Variants in RTN3 observed in about 807,000 individuals in gnomAD.
RTN3 encodes reticulon 3.
In RTN3, 49 loss-of-function variants were observed where a neutral mutation model predicts 77.8. The observed-to-expected ratio is 0.63, with a 90% CI of 0.50 to 0.80. The LOEUF is 0.80. RTN3 is among the 30% of genes least tolerant of loss of function. The probability of loss-of-function intolerance (pLI) is 0.00; values close to 1 mark genes in which losing one functional copy is unlikely to be tolerated. For synonymous variants in RTN3, 464 were observed against 446.9 expected, an observed-to-expected ratio of 1.04 and a Z score of -0.48; for missense variants, 1,236 against 1,211.9, an observed-to-expected ratio of 1.02 and a Z score of -0.29.
intron 3 of RTN3, among the ~76,000 whole-genome samples, chr11:63,732,893 A>G (rs1042009327): frequency 6.6e-6 from 1 of 152,238 alleles, no homozygotes; most frequent in Non-Finnish European, 1.5e-5. Context: ...AATATTATTC[A>G]TGAACGTAAA....
At chr11:63,716,985 A>AC (rs1565318225) in intron 2 of RTN3, among the ~76,000 whole-genome samples, 1 of 149,060 alleles carries the variant, frequency 6.7e-6, no homozygotes, top group Non-Finnish European at 1.5e-5. Context: ...AAAACAAAAA[A>AC]AAAAAAAAAA....
intron 1 of RTN3, among the ~76,000 whole-genome samples, chr11:63,695,027 TACTC>T (rs1941867479): frequency 6.6e-6 from 1 of 152,236 alleles, no homozygotes; most frequent in Non-Finnish European, 1.5e-5. Flanking sequence ...TACTAGTTAC[TACTC>T]AGTCTAGTTT....
At chr11:63,735,138 C>T (rs1027974892) in intron 3 of RTN3, among the ~76,000 whole-genome samples, 2 of 152,044 alleles carry the variant, frequency 1.3e-5, no homozygotes, top group African/African-American at 4.8e-5. Flanking sequence ...TGCAAGTGTG[C>T]ACCACCATAC....
At chr11:63,706,832 T>G (rs1021751490) in intron 2 of RTN3, among the ~76,000 whole-genome samples, 3 of 152,064 alleles carry the variant, frequency 2.0e-5, no homozygotes, top group Admixed American at 2.0e-4. Flanking sequence ...ATTTCCTCTC[T>G]TGTAAGTATT....
At chr11:63,685,365 G>A (rs187477095) in intron 1 of RTN3, among the ~76,000 whole-genome samples, 1 of 151,458 alleles carries the variant, frequency 6.6e-6, no homozygotes, top group African/African-American at 2.4e-5. Context: ...GCACAGTGAC[G>A]GGCACCTGTA....
intron 1 of RTN3, among the ~76,000 whole-genome samples, chr11:63,695,962 T>G (rs899583441): frequency 1.3e-5 from 2 of 152,296 alleles, no homozygotes; most frequent in East Asian, 3.9e-4. Context: ...TTCTTTTTTA[T>G]TAGAATACGA....
chr11:63,713,453 G>A (rs952379132), intron 2 of RTN3, among the ~76,000 whole-genome samples: 2 of 152,074 alleles, frequency 1.3e-5, no homozygotes, highest in Non-Finnish European at 2.9e-5. Flanking sequence ...AGGACCACAG[G>A]TGTATGCCAC....
chr11:63,733,395 A>G (rs965304578), intron 3 of RTN3, among the ~76,000 whole-genome samples: 5 of 152,130 alleles, frequency 3.3e-5, no homozygotes, highest in Non-Finnish European at 7.4e-5. Context: ...AGGCTGAGGC[A>G]GGAGAATCGC....
intron 3 of RTN3, among the ~76,000 whole-genome samples, chr11:63,727,740 C>T (rs543933132): frequency 2.0e-5 from 3 of 152,042 alleles, no homozygotes; most frequent in East Asian, 1.9e-4. Flanking sequence ...TTAGGGAGGC[C>T]GAGGCAGGAG....
chr11:63,722,365 A>T (rs182600379), intron 3 of RTN3, among the ~76,000 whole-genome samples: 207 of 152,256 alleles, frequency 1.4e-3, no homozygotes, highest in African/African-American at 4.9e-3. Flanking sequence ...CTTACTGGAA[A>T]CTGTAGGTAG....
chr11:63,735,394 T>C (rs996623348), intron 3 of RTN3, among the ~76,000 whole-genome samples: 3 of 152,174 alleles, frequency 2.0e-5, no homozygotes, highest in East Asian at 3.8e-4. Context: ...ACCGCAGTAC[T>C]AAAAGCTACC....
At chr11:63,699,108 G>A (rs1942106314) in intron 1 of RTN3, among the ~76,000 whole-genome samples, 1 of 152,112 alleles carries the variant, frequency 6.6e-6, no homozygotes, top group Non-Finnish European at 1.5e-5. Context: ...CCAGCATGGT[G>A]AAACCCCACT....
chr11:63,723,416 C>CT (rs747766171), intron 3 of RTN3, among the ~76,000 whole-genome samples: 5,438 of 136,238 alleles, frequency 0.04, 253 homozygotes, highest in African/African-American at 0.12. Context: ...ATTTATTTAT[C>CT]TTTTTTTTTT....
rs143035982 is a variant in RTN3 at position 63,739,702 on chromosome 11, C to T, written c.2531-10289C>T. 4.1e-3 allele frequency among the ~76,000 whole-genome samples: 625 copies of T among 152,208 alleles called. 1 individual carries two copies. The highest frequency in any genetic ancestry group is 0.01 in the Middle Eastern group (3 of 294). Reference sequence around the variant, plus strand: ...CACGTCCTTTATCCCATCTCACATGCAGCTGAGAGTCACTGACTTGGACAG... The same window carrying T: ...CACGTCCTTTATCCCATCTCACATGTAGCTGAGAGTCACTGACTTGGACAG... On this transcript the variant is annotated intron_variant, in intron 3 of 8. Transcript: ENST00000377819.
intron 3 of RTN3, chr11:63,747,071 A>T (rs777721036): frequency 1.8e-5 from 8 of 446,142 alleles, no homozygotes; most frequent in Non-Finnish European, 2.7e-5. Context: ...ATTTTTGAAG[A>T]CTATAGGCCA....
intron 1 of RTN3, among the ~76,000 whole-genome samples, chr11:63,695,634 C>T (rs545155948): frequency 3.3e-5 from 5 of 152,332 alleles, no homozygotes; most frequent in Admixed American, 1.3e-4. Context: ...ATGAGCATGG[C>T]CCTTGGTATT....
At chr11:63,693,062 A>G (rs957637176) in intron 1 of RTN3, among the ~76,000 whole-genome samples, 17 of 152,196 alleles carry the variant, frequency 1.1e-4, no homozygotes, top group African/African-American at 4.1e-4. Flanking sequence ...GGCATAAGCC[A>G]CCATGCCCAG....
rs1390421531 is a variant in RTN3 at position 63,759,857 on chromosome 11, T to C, written c.*1656T>C. On this transcript the variant is annotated 3_prime_UTR_variant, in exon 9 of 9. Transcript: ENST00000377819. ...TGGTTCCTGTAAAATTTCAAATTGATGTGGTATTAATAAAAAAAAAAAAAA... is the reference window on the plus strand; with the variant it reads ...TGGTTCCTGTAAAATTTCAAATTGACGTGGTATTAATAAAAAAAAAAAAAA... 6.8e-6 allele frequency: 1 copy of C among 148,038 alleles called. No individual in the cohort carries two copies. The highest frequency in any genetic ancestry group is 1.5e-5 in the Non-Finnish European group (1 of 67,250). The allele number at this position is 148,038 out of a possible 1,614,324, so 9.2% of individuals were successfully genotyped here. A position where few individuals can be genotyped will look rare whatever the true frequency, so the allele number is the denominator to read the frequency against.
intron 2 of RTN3, 110 bp from the exon 3 acceptor site, chr11:63,718,592 A>G (rs1455107529): frequency 1.4e-5 from 9 of 652,690 alleles, no homozygotes; most frequent in East Asian, 8.7e-5. Context: ...CTGTGTGTGT[A>G]TATATATATT....
Sources: allele counts gnomAD v4.1 joint callset (sites outside exome capture counted in the v4.1 genomes callset), GRCh38; gene constraint gnomAD v4.1.1; transcripts MANE v1.5; gene names NCBI Gene and HGNC (gene_info 2026-07-23, HGNC 2026-07-21).